The following BCL2L13 variants were observed in gnomAD, a reference collection of about 807,000 sequenced individuals.
BCL2L13 encodes the protein bcl-2-like protein 13.
BCL2L13 carries 13 observed loss-of-function variants against 25.8 expected under a neutral mutation model. The observed-to-expected ratio is 0.50, with a 90% confidence interval of 0.33 to 0.80. The LOEUF (loss-of-function observed/expected upper bound fraction) is 0.80, where lower values mean the gene tolerates loss of function less well. BCL2L13 is among the 30% of genes least tolerant of loss of function. The pLI is 0.02. For synonymous variants in BCL2L13, 244 were observed against 230.3 expected (o/e 1.06, Z -0.54); for missense variants, 504 against 574.9 (o/e 0.88, Z 1.26).
intron 1 of BCL2L13, among the ~76,000 whole-genome samples, chr22:17,654,472 G>C (rs955916271): frequency 7.2e-5 from 11 of 151,748 alleles, no homozygotes; most frequent in African/African-American, 2.7e-4. Context: ...GCCCAGGCTG[G>C]AGTGCAGTGG....
intron 2 of BCL2L13, among the ~76,000 whole-genome samples, chr22:17,680,217 A>C (rs1711593634): frequency 1.5e-5 from 2 of 137,564 alleles, no homozygotes; most frequent in South Asian, 2.4e-4. Context: ...CTCTCTCTCA[A>C]AAAAAAAAAA....
chr22:17,711,424 A>G (rs1308241410), intron 6 of BCL2L13, among the ~76,000 whole-genome samples: 2 of 150,198 alleles, frequency 1.3e-5, no homozygotes, highest in Non-Finnish European at 3.0e-5. Context: ...CAGCCTCTTG[A>G]GTAGCTGGGA....
intron 6 of BCL2L13, among the ~76,000 whole-genome samples, chr22:17,715,180 T>A (rs1450672524): frequency 1.9e-4 from 13 of 67,902 alleles, no homozygotes; most frequent in South Asian, 6.3e-4. Context: ...ATTTTTTTTT[T>A]TTTTTTTTTT....
intron 6 of BCL2L13, among the ~76,000 whole-genome samples, chr22:17,709,900 G>A (rs543668105): frequency 5.9e-5 from 9 of 151,422 alleles, no homozygotes; most frequent in Non-Finnish European, 1.2e-4. Flanking sequence ...CATGGTGAGT[G>A]AGAGCCCATC....
chr22:17,682,250 A>G (rs1239490034), intron 2 of BCL2L13, among the ~76,000 whole-genome samples: 1 of 152,234 alleles, frequency 6.6e-6, no homozygotes, highest in Non-Finnish European at 1.5e-5. Context: ...CATAAATCTA[A>G]TGTGATTGGT....
intron 6 of BCL2L13, among the ~76,000 whole-genome samples, chr22:17,719,153 CAAA>C (rs59630355): frequency 1.1e-4 from 5 of 45,492 alleles, no homozygotes; most frequent in Non-Finnish European, 4.0e-5. Flanking sequence ...GGCTCTGTCT[CAAA>C]AAAAAAAAAA....
chr22:17,649,048 G>T (rs934495042), intron 1 of BCL2L13, among the ~76,000 whole-genome samples: 2 of 151,810 alleles, frequency 1.3e-5, no homozygotes, highest in African/African-American at 4.8e-5. Context: ...CTTGCTTCCT[G>T]CCTCAGCCCC....
At chr22:17,634,101 G>C (rs574781310), upstream of BCL2L13, among the ~76,000 whole-genome samples, 15 of 152,192 alleles carry the variant, frequency 9.9e-5, no homozygotes, top group African/African-American at 3.6e-4. Flanking sequence ...TCTTTGAGGA[G>C]AGCTTATCCT....
At chr22:17,693,333 GTTTATTTATTTATTTA>G (rs372912650) in intron 4 of BCL2L13, among the ~76,000 whole-genome samples, 4 of 132,130 alleles carry the variant, frequency 3.0e-5, no homozygotes, top group East Asian at 2.3e-4. Flanking sequence ...CTTTGGGGTA[GTTTATTTATTTATTTA>G]TTTATTTATT....
At chr22:17,694,356 T>C (rs945735506) in intron 4 of BCL2L13, among the ~76,000 whole-genome samples, 8 of 151,974 alleles carry the variant, frequency 5.3e-5, no homozygotes, top group Non-Finnish European at 1.0e-4. Context: ...TCTCTACCCT[T>C]GTATCATAAC....
chr22:17,646,553 T>C (rs1054103145), intron 1 of BCL2L13, among the ~76,000 whole-genome samples: 2 of 150,372 alleles, frequency 1.3e-5, no homozygotes, highest in Admixed American at 1.3e-4. Flanking sequence ...CTGGCCAAGA[T>C]AGCAATTTTT....
In BCL2L13 at chr22:17,672,139, A is replaced by G. The variant is rs548316692; in HGVS notation, c.122-11075A>G. On this transcript the variant is annotated intron_variant, in intron 2 of 6. Transcript: ENST00000317582. The stretch of plus-strand genomic sequence containing the variant: ...GGACCTTTTTGATTTGATTGTAATT[A>G]TTTGGACTGCCTAGAGTGTTATCGC... Among the ~76,000 whole-genome samples the G allele has an allele frequency of 5.3e-5, 8 of 152,330 alleles. No homozygotes were observed. The South Asian group carries it at 1.7e-3, about 32-fold the overall frequency.
At chr22:17,630,116 G>T (rs541429909) in intron 1 of BCL2L13, among the ~76,000 whole-genome samples, 1 of 151,692 alleles carries the variant, frequency 6.6e-6, no homozygotes, top group East Asian at 2.0e-4. Flanking sequence ...CACTGGAGAG[G>T]CTGAGGCAGG....
chr22:17,653,143 G>A (rs1268879976), intron 1 of BCL2L13, among the ~76,000 whole-genome samples: 1 of 152,114 alleles, frequency 6.6e-6, no homozygotes, highest in African/African-American at 2.4e-5. Context: ...TGTTTGCACT[G>A]CCATCATAAA....
At chr22:17,703,870 C>G (rs1447379184) in intron 6 of BCL2L13, 1 of 152,044 alleles carries the variant, frequency 6.6e-6, no homozygotes, top group Non-Finnish European at 1.5e-5. Context: ...AGGAGACATC[C>G]CAGGTTAACT....
chr22:17,635,504 A>G (rs531377052), upstream of BCL2L13, among the ~76,000 whole-genome samples: 9 of 152,318 alleles, frequency 5.9e-5, no homozygotes, highest in Non-Finnish European at 8.8e-5. Flanking sequence ...TCCTCATTGA[A>G]ATGCCTTAGC....
chr22:17,708,481 A>G (rs1231165516), intron 6 of BCL2L13, among the ~76,000 whole-genome samples: 4 of 152,174 alleles, frequency 2.6e-5, no homozygotes, highest in Non-Finnish European at 5.9e-5. Context: ...CTCTCATAGC[A>G]TTGTTGTGAG....
intron 6 of BCL2L13, among the ~76,000 whole-genome samples, chr22:17,709,685 T>C (rs1014602502): frequency 3.9e-4 from 60 of 152,176 alleles, no homozygotes; most frequent in African/African-American, 9.2e-4. Flanking sequence ...CTCAGGTGGC[T>C]GAGGCAGGAG....
At chr22:17,709,438 T>C (rs2060682953) in intron 6 of BCL2L13, among the ~76,000 whole-genome samples, 1 of 146,538 alleles carries the variant, frequency 6.8e-6, no homozygotes, top group East Asian at 2.1e-4. Flanking sequence ...CTATGAAAAA[T>C]ACAAAAATTA....
Sources: gnomAD v4.1 joint callset for allele counts (sites outside exome capture counted in the v4.1 genomes callset) on GRCh38, gnomAD v4.1.1 for gene constraint, MANE v1.5 for transcripts, NCBI Gene and HGNC (gene_info 2026-07-23, HGNC 2026-07-21) for gene names.